Variants in PTPRS observed in about 807,000 individuals in gnomAD.
PTPRS encodes the protein protein tyrosine phosphatase receptor type S.
A neutral mutation model predicts 215.3 loss-of-function variants in PTPRS; 63 were observed. The observed-to-expected ratio is 0.29, with a 90% CI of 0.24 to 0.36. The LOEUF is 0.36. Ranked by LOEUF, PTPRS falls within the 10% of genes least tolerant of loss-of-function variation. The pLI is 1.00. For synonymous variants in PTPRS, 1,404 were observed against 1,191.4 expected, an observed-to-expected ratio of 1.18 and a Z score of -3.68; for missense variants, 2,258 against 2,825.8, an observed-to-expected ratio of 0.80 and a Z score of 4.56.
At chr19:5,225,881 G>T in intron 16 of PTPRS, 37 bp from the exon 17 acceptor site, 2 of 1,558,330 alleles carry the variant, frequency 1.3e-6, no homozygotes, top group South Asian at 2.2e-5. Flanking sequence ...GACGGCTGGG[G>T]CTGGGAGCAG....
intron 13 of PTPRS, among the ~76,000 whole-genome samples, 194 bp from the exon 14 acceptor site, chr19:5,231,809 G>C (rs1184169011): frequency 6.6e-6 from 1 of 151,962 alleles, no homozygotes; most frequent in Non-Finnish European, 1.5e-5. Context: ...GGGTGGATGG[G>C]CGGGCAGGTG....
chr19:5,333,526 C>CAA (rs1555812801), intron 1 of PTPRS, among the ~76,000 whole-genome samples: 1 of 151,530 alleles, frequency 6.6e-6, no homozygotes, highest in East Asian at 1.9e-4. Flanking sequence ...CACACACACA[C>CAA]AATGCGATTC....
chr19:5,279,096 G>A (rs2047637468), intron 2 of PTPRS, among the ~76,000 whole-genome samples: 5 of 151,788 alleles, frequency 3.3e-5, no homozygotes, highest in Admixed American at 2.0e-4. Context: ...TGAGGCAGGA[G>A]AATCGCTTGA....
chr19:5,285,340 G>C (rs1285029137), intron 2 of PTPRS, among the ~76,000 whole-genome samples: 1 of 152,194 alleles, frequency 6.6e-6, no homozygotes, highest in Non-Finnish European at 1.5e-5. Flanking sequence ...ATGGTGGGGT[G>C]AGTCTTGGCA....
At chr19:5,218,305 G>C in intron 25 of PTPRS, 115 bp downstream of exon 25, 1 of 828,524 alleles carries the variant, frequency 1.2e-6, no homozygotes, top group Non-Finnish European at 2.0e-6. Flanking sequence ...GAATGTGGCT[G>C]CACCAAGCAT....
In PTPRS at chr19:5,206,709, G is replaced by A. The variant is rs1698927304; in HGVS notation, c.*65C>T. On this transcript the variant is annotated 3_prime_UTR_variant, in exon 38 of 38. Coordinates refer to ENST00000262963, the MANE Select transcript of PTPRS (RefSeq NM_002850.4). Reference sequence around the variant, plus strand: ...CCCACTGGGGGTCCAGGCCTCAGGAGGTCCGCCCGGGAGGGGCAGAGGCAT... The same window carrying A: ...CCCACTGGGGGTCCAGGCCTCAGGAAGTCCGCCCGGGAGGGGCAGAGGCAT... 2 of 1,454,744 alleles carry A rather than the reference G, an allele frequency of 1.4e-6. No individual in the cohort carries two copies. The highest frequency in any genetic ancestry group is 1.1e-5 in the South Asian group (1 of 87,182). 90.1% of individuals were successfully genotyped at this position (1,454,744 alleles called of 1,614,324 possible). A position where few individuals can be genotyped will look rare whatever the true frequency, so the allele number is the denominator to read the frequency against.
chr19:5,286,914 C>T (rs1223038886), intron 1 of PTPRS, among the ~76,000 whole-genome samples: 1 of 152,100 alleles, frequency 6.6e-6, no homozygotes, highest in African/African-American at 2.4e-5. Context: ...TGCTGAGCCC[C>T]AGTTTTCTCC....
intron 13 of PTPRS, among the ~76,000 whole-genome samples, chr19:5,232,902 G>A (rs1412516802): frequency 6.7e-6 from 1 of 150,266 alleles, no homozygotes; most frequent in Non-Finnish European, 1.5e-5. Flanking sequence ...CCAGCGCCAA[G>A]GGCTTCACAA....
intron 6 of PTPRS, 62 bp from the exon 7 acceptor site, chr19:5,260,884 G>T (rs1277543460): frequency 6.3e-7 from 1 of 1,587,842 alleles, no homozygotes; most frequent in Non-Finnish European, 8.6e-7. Flanking sequence ...GGGCCGGGGG[G>T]CCCCAGGGAA....
intron 1 of PTPRS, among the ~76,000 whole-genome samples, chr19:5,323,901 G>A (rs2050099283): frequency 6.6e-6 from 1 of 152,190 alleles, no homozygotes; most frequent in South Asian, 2.1e-4. Flanking sequence ...GATGATGGGA[G>A]CTGGACCAGG....
intron 9 of PTPRS, among the ~76,000 whole-genome samples, chr19:5,253,946 A>T (rs1312911747): frequency 6.6e-6 from 1 of 152,180 alleles, no homozygotes; most frequent in African/African-American, 2.4e-5. Flanking sequence ...CAGATGAGGA[A>T]GTGGGGACTC....
chr19:5,247,952 C>T lies in PTPRS; in HGVS notation c.719-1907G>A, dbSNP rs538530147. Among the ~76,000 whole-genome samples the T allele has an allele frequency of 2.1e-3, 319 of 151,166 alleles. 1 individual carries two copies. Among genetic ancestry groups the T allele is most frequent in the Non-Finnish European group, 3.3e-3 (226 of 67,836 alleles). ...GACAGGATGGAGGGAGTGGAGGGTACTGCTCCAGGGGAGGAGTCGGGGCAT... is the reference window on the plus strand; with the variant it reads ...GACAGGATGGAGGGAGTGGAGGGTATTGCTCCAGGGGAGGAGTCGGGGCAT... On this transcript the variant is annotated intron_variant, in intron 9 of 37. Transcript: ENST00000262963.
chr19:5,329,956 T>G (rs2050272257), intron 1 of PTPRS, among the ~76,000 whole-genome samples: 1 of 149,212 alleles, frequency 6.7e-6, no homozygotes, highest in African/African-American at 2.5e-5. Context: ...GGCACATGCC[T>G]ATAATCCCAG....
At chr19:5,273,817 T>G (rs2047127341) in intron 3 of PTPRS, among the ~76,000 whole-genome samples, 2 of 151,978 alleles carry the variant, frequency 1.3e-5, no homozygotes. Flanking sequence ...TGTGCATGTG[T>G]GAGGGTGACA....
At chr19:5,335,354 G>A (rs1239527582) in intron 1 of PTPRS, among the ~76,000 whole-genome samples, 1 of 152,228 alleles carries the variant, frequency 6.6e-6, no homozygotes, top group African/African-American at 2.4e-5. Context: ...AACACAGAGA[G>A]GTCAGGCAAC....
chr19:5,263,094 A>G (rs2046135094), intron 5 of PTPRS, 122 bp from the exon 6 acceptor site: 2 of 769,822 alleles, frequency 2.6e-6, no homozygotes, highest in South Asian at 3.2e-5. Flanking sequence ...GCTCAGAATA[A>G]TAATAACAAC....
At chr19:5,252,601 C>T (rs921105609) in intron 9 of PTPRS, among the ~76,000 whole-genome samples, 4 of 138,474 alleles carry the variant, frequency 2.9e-5, no homozygotes, top group Non-Finnish European at 4.6e-5. Flanking sequence ...AAAAAAAGGC[C>T]GAGTGTGGTG....
intron 1 of PTPRS, among the ~76,000 whole-genome samples, chr19:5,303,954 A>AAAAAAATAAAAATAAAAAAAAAAAATAAT: frequency 3.8e-5 from 5 of 132,254 alleles, no homozygotes; most frequent in Admixed American, 8.1e-5. Flanking sequence ...CTGTCTCAAA[A>AAAAAAATAAAAATAAAAAAAAAAAATAAT]AATAATAATA....
At chr19:5,305,221 A>G (rs1179723912) in intron 1 of PTPRS, among the ~76,000 whole-genome samples, 1 of 152,156 alleles carries the variant, frequency 6.6e-6, no homozygotes. Context: ...TTTTCCCACC[A>G]TCCAGGCACA....
Sources: allele counts gnomAD v4.1 joint callset (sites outside exome capture counted in the v4.1 genomes callset), GRCh38; gene constraint gnomAD v4.1.1; transcripts MANE v1.5; gene names NCBI Gene and HGNC (gene_info 2026-07-23, HGNC 2026-07-21).